The following GAB2 variants were observed in gnomAD, a reference collection of about 807,000 sequenced individuals.
GAB2 encodes GRB2 associated binding protein 2.
A neutral mutation model predicts 65.5 loss-of-function variants in GAB2; 26 were observed. The observed-to-expected ratio is 0.40, with a 90% confidence interval of 0.29 to 0.55. GAB2 has a LOEUF of 0.55. Among genes scored for constraint, GAB2 ranks in the 20% least tolerant of loss-of-function variants. The pLI is 0.53. For synonymous variants in GAB2, 321 were observed against 329.6 expected (o/e 0.97, Z 0.28); for missense variants, 884 against 875.8 (o/e 1.01, Z -0.12).
At chr11:78,366,368 T>C (rs1225240445) in intron 1 of GAB2, among the ~76,000 whole-genome samples, 1 of 151,752 alleles carries the variant, frequency 6.6e-6, no homozygotes, top group Non-Finnish European at 1.5e-5. Flanking sequence ...TCACCTGAGG[T>C]CAGGAGTTCA....
rs956115596 is a variant in GAB2, at chr11:78,343,988, G to A, written c.76-63087C>T. On this transcript the variant is annotated intron_variant, in intron 1 of 9. Transcript: ENST00000361507. ...AGAATTAGACAACAAGGAGAGTAAC[G>A]GCAGGAAGAGGAGGAGAAATCAAGG... 2.0e-5 allele frequency among the ~76,000 whole-genome samples: 3 copies of A among 152,134 alleles called. No homozygotes were observed. The East Asian group carries it at 5.8e-4, about 29-fold the overall frequency.
At chr11:78,246,622 C>T (rs1350687100) in intron 3 of GAB2, among the ~76,000 whole-genome samples, 1 of 152,108 alleles carries the variant, frequency 6.6e-6, no homozygotes, top group Non-Finnish European at 1.5e-5. Flanking sequence ...CCTCAGCCAC[C>T]TGAGTAGCTG....
chr11:78,392,321 C>G (rs1856844608), intron 1 of GAB2: 1 of 151,908 alleles, frequency 6.6e-6, no homozygotes, highest in Non-Finnish European at 1.5e-5. Flanking sequence ...TGTCCCATCA[C>G]AAGGGACTAA....
At chr11:78,330,031 G>A (rs1855889142) in intron 1 of GAB2, among the ~76,000 whole-genome samples, 1 of 152,164 alleles carries the variant, frequency 6.6e-6, no homozygotes, top group Non-Finnish European at 1.5e-5. Flanking sequence ...GGATATAGAC[G>A]TTTGATTGTT....
intron 1 of GAB2, among the ~76,000 whole-genome samples, chr11:78,412,885 A>C (rs1857146803): frequency 6.6e-6 from 1 of 152,220 alleles, no homozygotes; most frequent in African/African-American, 2.4e-5. Context: ...CTACTAAAAT[A>C]ATCCTAAAAG....
intron 1 of GAB2, among the ~76,000 whole-genome samples, chr11:78,362,463 C>T (rs1336089786): frequency 4.0e-5 from 6 of 151,530 alleles, no homozygotes; most frequent in Admixed American, 3.9e-4. Context: ...AAAAAGGAAA[C>T]AAAATGTTCA....
At chr11:78,330,674 T>C (rs2134676446) in intron 1 of GAB2, among the ~76,000 whole-genome samples, 2 of 152,338 alleles carry the variant, frequency 1.3e-5, no homozygotes, top group Admixed American at 1.3e-4. Context: ...ATCTTATGCA[T>C]AGCGTATTCA....
intron 3 of GAB2, among the ~76,000 whole-genome samples, chr11:78,236,134 G>A (rs1316907436): frequency 1.3e-5 from 2 of 152,188 alleles, no homozygotes; most frequent in Admixed American, 1.3e-4. Context: ...ACATTTGATA[G>A]TTTTCAGTGA....
rs767435145 is a variant in GAB2 at position 78,223,445 on chromosome 11, G to T, written c.1534C>A (p.Pro512Thr). ...TCAGGTTTGAGGTTGCGGTTGACAGGGGGTGGCTGAATCTCACTTCCTCTG... is the reference window on the plus strand; with the variant it reads ...TCAGGTTTGAGGTTGCGGTTGACAGTGGGTGGCTGAATCTCACTTCCTCTG... ...PSRGSEIQPP[P>T]VNRNLKPDRK... Residue 512 changes from proline (P) to threonine (T), a missense_variant, in exon 6 of 10, where the codon CCT (proline) becomes ACT (threonine). Physicochemically the swap from Pro to Thr is conservative, Grantham distance 38 (BLOSUM62 -1). Transcript: ENST00000361507. 1 of 1,578,494 alleles carries T rather than the reference G, an allele frequency of 6.3e-7. No homozygotes were observed. Among genetic ancestry groups the T allele is most frequent in the Non-Finnish European group, 8.6e-7 (1 of 1,160,680 alleles).
Position 78,223,694 on chromosome 11 carries a change from G to C in GAB2, c.1303-18C>G, listed in dbSNP as rs1436089345. ...TTCCCTGGCTAGGGAGAGGAACAGTGAAAGAAATACAGCTGTTACTAGCAA... is the reference window on the plus strand; with the variant it reads ...TTCCCTGGCTAGGGAGAGGAACAGTCAAAGAAATACAGCTGTTACTAGCAA... On this transcript the variant is annotated intron_variant, in intron 5 of 9. Coordinates refer to ENST00000361507, the MANE Select transcript of GAB2 (RefSeq NM_080491.3). The C allele has an allele frequency of 1.9e-6, 3 of 1,567,838 alleles. No individual in the cohort carries two copies. The highest frequency in any genetic ancestry group is 4.5e-5 in the East Asian group (2 of 44,006).
At chr11:78,390,190 T>C (rs570293729) in intron 1 of GAB2, among the ~76,000 whole-genome samples, 2 of 152,376 alleles carry the variant, frequency 1.3e-5, no homozygotes, top group African/African-American at 4.8e-5. Flanking sequence ...TCTGTTCCCT[T>C]GGTTTACAAA....
chr11:78,280,809 C>G lies in GAB2; in HGVS notation c.168G>C (p.Lys56Asn), dbSNP rs1243095257. The G allele has an allele frequency of 6.2e-7, 1 of 1,614,060 alleles. No homozygotes were observed. ...LEYYKNDHSK[K>N]PLRIINLNFC... ...AGTTCAGGTTGATGATCCGCAGAGG[C>G]TTCTTGGAGTGATCGTTCTTGTAGT... The change falls in exon 2 of 10, where the codon AAG becomes AAC. Residue 56 changes from lysine to asparagine, a missense_variant. By Grantham distance (94) the Lys-to-Asn change is moderately conservative (BLOSUM62 0). Coordinates refer to ENST00000361507, the MANE Select transcript of GAB2 (RefSeq NM_080491.3).
intron 1 of GAB2, among the ~76,000 whole-genome samples, chr11:78,371,592 A>C (rs1856572069): frequency 6.6e-6 from 1 of 152,180 alleles, no homozygotes; most frequent in African/African-American, 2.4e-5. Flanking sequence ...ATGATCACTC[A>C]CTACACTGGC....
At chr11:78,353,071 C>G (rs1320181970) in intron 1 of GAB2, among the ~76,000 whole-genome samples, 1 of 152,178 alleles carries the variant, frequency 6.6e-6, no homozygotes, top group Non-Finnish European at 1.5e-5. Context: ...CCCATACCAG[C>G]AGCATGAGCA....
chr11:78,318,086 C>G (rs761402653), intron 1 of GAB2: 2 of 151,792 alleles, frequency 1.3e-5, no homozygotes, highest in Non-Finnish European at 2.9e-5. Flanking sequence ...TAATAGAAAT[C>G]ACAATCTTGT....
chr11:78,231,745 A>G (rs569296280), intron 3 of GAB2: 2 of 152,274 alleles, frequency 1.3e-5, no homozygotes, highest in East Asian at 3.9e-4. Flanking sequence ...ATACCATACT[A>G]TATGATGATT....
intron 2 of GAB2, among the ~76,000 whole-genome samples, chr11:78,273,332 T>C (rs1321003478): frequency 6.6e-6 from 1 of 152,258 alleles, no homozygotes; most frequent in Non-Finnish European, 1.5e-5. Flanking sequence ...TGCAAAGCTA[T>C]AGAGGTGGAG....
chr11:78,219,530 C>T lies in GAB2; in HGVS notation c.1888-115G>A, dbSNP rs144580821. 85 of 900,988 alleles carry T rather than the reference C, an allele frequency of 9.4e-5. 1 individual carries two copies. Among genetic ancestry groups the T allele is most frequent in the South Asian group, 8.3e-4 (54 of 64,810 alleles). The allele number at this position is 900,988 out of a possible 1,614,324, so 55.8% of individuals were successfully genotyped here. Reference sequence around the variant, plus strand: ...TCTGAAGGGGAGAAGAGCATGGCCTCTGCCTGCCACTGACCAGCCTCAGGA... The same window carrying T: ...TCTGAAGGGGAGAAGAGCATGGCCTTTGCCTGCCACTGACCAGCCTCAGGA... On this transcript the variant is annotated intron_variant, in intron 9 of 9. Coordinates refer to ENST00000361507, the MANE Select transcript of GAB2 (RefSeq NM_080491.3).
At chr11:78,329,723 A>T (rs111649490) in intron 1 of GAB2, among the ~76,000 whole-genome samples, 1,792 of 152,346 alleles carry the variant, frequency 0.012, 34 homozygotes, top group African/African-American at 0.041. Context: ...AAGGTGTTAT[A>T]ACTAGAAACA....
Sources: allele counts gnomAD v4.1 joint callset (sites outside exome capture counted in the v4.1 genomes callset), GRCh38; gene constraint gnomAD v4.1.1; transcripts MANE v1.5; gene names NCBI Gene and HGNC (gene_info 2026-07-23, HGNC 2026-07-21).